The following LCT variants were observed in gnomAD, a reference collection of about 807,000 sequenced individuals.
LCT encodes lactase/phlorizin hydrolase.
Under a neutral mutation model 173.0 loss-of-function variants are expected in LCT, and 90 were observed. The ratio of observed to expected loss-of-function variants is 0.52; its 90% confidence interval spans 0.44 to 0.62. The LOEUF is 0.62. Ranked by LOEUF, LCT falls within the 20% of genes least tolerant of loss-of-function variation. LCT has a pLI of 0.00. For synonymous variants in LCT, 853 were observed against 957.6 expected, an observed-to-expected ratio of 0.89 and a Z score of 2.02; for missense variants, 1,864 against 2,431.4, an observed-to-expected ratio of 0.77 and a Z score of 4.91.
At chr2:135,835,982 A>G (rs867884946) in intron 1 of LCT, among the ~76,000 whole-genome samples, 7 of 24,016 alleles carry the variant, frequency 2.9e-4, no homozygotes, top group Non-Finnish European at 6.7e-4. Flanking sequence ...GTGTGTATAT[A>G]TATATATATA....
intron 12 of LCT, among the ~76,000 whole-genome samples, 167 bp downstream of exon 12, chr2:135,800,440 G>A (rs899705736): frequency 6.6e-6 from 1 of 152,048 alleles, no homozygotes. Context: ...GCCCAGGCTA[G>A]TCTCAAACTC....
intron 3 of LCT, among the ~76,000 whole-genome samples, chr2:135,824,954 T>C (rs902866527): frequency 2.1e-5 from 3 of 144,300 alleles, no homozygotes; most frequent in Admixed American, 1.4e-4. Context: ...AGTGAACCGC[T>C]GCACTTCAGT....
At position 135,791,049 on chromosome 2, in the gene LCT, G is replaced by A. The variant is rs577082228; in HGVS notation, c.5112-168C>T. Among the ~76,000 whole-genome samples the A allele has an allele frequency of 1.4e-4, 21 of 152,258 alleles. No homozygotes were observed. In the South Asian group the frequency reaches 3.9e-3, roughly 29 times the overall value. Reference sequence around the variant, plus strand: ...AATTGCCTCAAATTCTCCTCCTTTCGCTGGTTCTAGCTGCCTGCACTCTGT... The same window carrying A: ...AATTGCCTCAAATTCTCCTCCTTTCACTGGTTCTAGCTGCCTGCACTCTGT... On this transcript the variant is annotated intron_variant, in intron 14 of 16. Coordinates refer to ENST00000264162, the MANE Select transcript of LCT (RefSeq NM_002299.4).
intron 14 of LCT, among the ~76,000 whole-genome samples, chr2:135,791,685 G>A (rs1018880725): frequency 6.6e-6 from 1 of 152,202 alleles, no homozygotes; most frequent in African/African-American, 2.4e-5. Context: ...ATAAGAGGGA[G>A]GGAGAATCAG....
At chr2:135,829,051 C>T (rs763013067) in intron 3 of LCT, among the ~76,000 whole-genome samples, 1 of 151,938 alleles carries the variant, frequency 6.6e-6, no homozygotes, top group Non-Finnish European at 1.5e-5. Context: ...ATTAGCCAGG[C>T]GTGTTTGTGT....
chr2:135,822,147 C>T (rs1268838804), intron 4 of LCT, 49 bp from the exon 5 acceptor site: 1 of 1,081,548 alleles, frequency 9.2e-7, no homozygotes, highest in East Asian at 2.4e-5. Flanking sequence ...CAACTAAGAA[C>T]ATGCAAGTCT....
In LCT at chr2:135,790,698, C is replaced by T; in HGVS notation, c.5295G>A (p.Arg1765=). 1 of 1,613,334 alleles carries T rather than the reference C, an allele frequency of 6.2e-7. No homozygotes were observed. ...REETDLNDTA[R]IYYLRTYINE... The stretch of plus-strand genomic sequence containing the variant: ...TGATGTAAGTCCGAAGGTAGTAGAT[C>T]CTTGCAGTGTCATTGAGGTCTGTTT... The change falls in exon 15 of 17, where the codon AGG becomes AGA. Residue 1765 remains arginine, a synonymous_variant. Coordinates refer to ENST00000264162, the MANE Select transcript of LCT (RefSeq NM_002299.4). The surrounding 1 kb of genome is among the most constrained non-coding windows in gnomAD (Gnocchi z 4.1).
In LCT at chr2:135,789,635, A is replaced by G; in HGVS notation, c.5499T>C (p.Ser1833=). Reference sequence around the variant, plus strand: ...CAGGGAAGCCATTGCATCGGACCACAGAGGCGTAGAACTTCGCTGATGCTT... The same window carrying G: ...CAGGGAAGCCATTGCATCGGACCACGGAGGCGTAGAACTTCGCTGATGCTT... ...IPKASAKFYA[S]VVRCNGFPDP... Residue 1833 remains serine, a synonymous_variant, in exon 16 of 17, where the codon TCT becomes TCC. Coordinates refer to ENST00000264162, the MANE Select transcript of LCT (RefSeq NM_002299.4). 5 of 1,614,164 alleles carry G rather than the reference A, an allele frequency of 3.1e-6. No homozygotes were observed. Among genetic ancestry groups the G allele is most frequent in the African/African-American group, 1.3e-5 (1 of 75,050 alleles).
chr2:135,811,757 G>A (rs2077735883), intron 7 of LCT, among the ~76,000 whole-genome samples: 1 of 151,256 alleles, frequency 6.6e-6, no homozygotes, highest in African/African-American at 2.4e-5. Flanking sequence ...GACTCAGATG[G>A]GCAGAATGTA....
rs564803646 is a variant in LCT, at chr2:135,828,175, C to T, written c.804+1418G>A. Among the ~76,000 whole-genome samples, 4 of 152,308 alleles carry T rather than the reference C, an allele frequency of 2.6e-5. No individual in the cohort carries two copies. The South Asian group carries it at 8.3e-4, about 32-fold the overall frequency. ...AAGTAGCTGAGACTACAGGTGCGTG[C>T]CACCACACCCATCTAATTTTTGTAT... On this transcript the variant is annotated intron_variant, in intron 3 of 16. Transcript: ENST00000264162.
Position 135,817,730 on chromosome 2 carries a change from C to T in LCT, c.1318G>A (p.Val440Ile), listed in dbSNP as rs35940156. ...GCCCGGAGGCCGCAAAGCAGGGCGA[C>T]GTCAGAGGCTACCTTGTGGTAACTG... is the stretch of plus-strand genomic sequence containing the variant. ...SDSYHKVASD[V>I]ALLCGLRAQV... is the part of the protein sequence containing the mutation. The change falls in exon 6 of 17, where the codon GTC (valine) becomes ATC (isoleucine). Residue 440 changes from valine to isoleucine, a missense_variant. Val to Ile is a conservative substitution (Grantham distance 29). Around this residue, in one of 4 missense-constraint regions of LCT, gnomAD observed 183 missense variants for 293.1 expected, o/e 0.62. Coordinates refer to ENST00000264162, the MANE Select transcript of LCT (RefSeq NM_002299.4). 2,213 of 1,614,030 alleles carry T rather than the reference C, an allele frequency of 1.4e-3. 27 individuals are homozygous for T. In the African/African-American group the frequency reaches 0.026, roughly 19 times the overall value.
At chr2:135,818,645 C>T (rs1221467307) in intron 5 of LCT, among the ~76,000 whole-genome samples, 2 of 152,164 alleles carry the variant, frequency 1.3e-5, no homozygotes, top group African/African-American at 4.8e-5. Context: ...CGAGACCAGA[C>T]TGACCAACAT....
chr2:135,804,207 G>A (rs186428930), intron 10 of LCT, 79 bp from the exon 11 acceptor site: 42 of 1,102,370 alleles, frequency 3.8e-5, no homozygotes, highest in South Asian at 2.3e-4. Flanking sequence ...CAGCATCAAC[G>A]TCTGCTGCAA....
At chr2:135,796,676 A>T (rs1228140814) in intron 13 of LCT, among the ~76,000 whole-genome samples, 2 of 152,204 alleles carry the variant, frequency 1.3e-5, no homozygotes, top group African/African-American at 4.8e-5. Context: ...TGTACTGAAG[A>T]GCCTGGGGAA....
chr2:135,803,367 TG>T (rs1383460634), intron 11 of LCT, among the ~76,000 whole-genome samples: 1 of 152,222 alleles, frequency 6.6e-6, no homozygotes, highest in Admixed American at 6.5e-5. Context: ...TAGGGTCAGA[TG>T]TGTTTTGGAA....
chr2:135,814,054 G>A (rs1016950301), intron 6 of LCT, among the ~76,000 whole-genome samples: 2 of 152,102 alleles, frequency 1.3e-5, no homozygotes, highest in Non-Finnish European at 2.9e-5. Context: ...GATCCATCTG[G>A]GATGATTAAA....
intron 5 of LCT, among the ~76,000 whole-genome samples, chr2:135,819,576 C>A (rs948482971): frequency 6.6e-6 from 1 of 152,182 alleles, no homozygotes; most frequent in African/African-American, 2.4e-5. Flanking sequence ...TCTCAAAAAG[C>A]GAAGCCTGGG....
intron 8 of LCT, 47 bp downstream of exon 8, chr2:135,808,396 A>G: frequency 6.9e-7 from 1 of 1,441,568 alleles, no homozygotes; most frequent in East Asian, 2.3e-5. Flanking sequence ...CATATGACCC[A>G]GGGAATGTTG....
At chr2:135,824,550 T>A (rs930257424) in intron 3 of LCT, among the ~76,000 whole-genome samples, 41 of 152,052 alleles carry the variant, frequency 2.7e-4, no homozygotes, top group Middle Eastern at 3.4e-3. Context: ...CTAAAAAAAA[T>A]TTTTTTTAAT....
Sources: gnomAD v4.1 joint callset for allele counts (sites outside exome capture counted in the v4.1 genomes callset) on GRCh38, gnomAD v4.1.1 for gene constraint, gnomAD v4.1.1 regional missense constraint, Gnocchi (gnomAD v3.1) non-coding constraint, MANE v1.5 for transcripts, NCBI Gene and HGNC (gene_info 2026-07-23, HGNC 2026-07-21) for gene names.